RNGTT: variants seen among roughly 807,000 people sequenced by gnomAD.
RNGTT encodes RNA guanylyltransferase and 5'-phosphatase.
Under a neutral mutation model 79.3 loss-of-function variants are expected in RNGTT, and 33 were observed. The ratio of observed to expected loss-of-function variants is 0.42; its 90% confidence interval spans 0.32 to 0.56. The LOEUF (loss-of-function observed/expected upper bound fraction) is 0.56, where lower values mean the gene tolerates loss of function less well. RNGTT is among the 20% of genes least tolerant of loss of function. RNGTT has a pLI of 0.17. For synonymous variants in RNGTT, 222 were observed against 235.9 expected (o/e 0.94, Z 0.54); for missense variants, 497 against 739.1 (o/e 0.67, Z 3.80).
chr6:88,887,560 T>C (rs1329247887), intron 8 of RNGTT, among the ~76,000 whole-genome samples: 1 of 152,216 alleles, frequency 6.6e-6, no homozygotes. Context: ...CCTTTTGTTT[T>C]TGGTGGAGCC....
chr6:88,865,639 C>T (rs972265067), intron 8 of RNGTT, among the ~76,000 whole-genome samples: 3 of 152,036 alleles, frequency 2.0e-5, no homozygotes, highest in African/African-American at 7.2e-5. Flanking sequence ...TAAAATCAGA[C>T]GCTGCACTGA....
chr6:88,771,330 TATATATATATATATATATATAC>T (rs1394967881), intron 12 of RNGTT, among the ~76,000 whole-genome samples: 1 of 97,586 alleles, frequency 1.0e-5, no homozygotes, highest in Non-Finnish European at 2.1e-5. Flanking sequence ...TATATATATA[TATATATATATATATATATATAC>T]ACACACACAC....
intron 14 of RNGTT, among the ~76,000 whole-genome samples, chr6:88,624,326 C>A (rs1772546433): frequency 6.6e-6 from 1 of 151,786 alleles, no homozygotes; most frequent in Non-Finnish European, 1.5e-5. Flanking sequence ...GATCTCAAAA[C>A]TTAGTATAAA....
chr6:88,635,674 A>T (rs539925909), intron 14 of RNGTT, among the ~76,000 whole-genome samples: 2 of 152,218 alleles, frequency 1.3e-5, no homozygotes, highest in African/African-American at 4.8e-5. Context: ...GGCATCTGAA[A>T]ATGCTCATAG....
intron 11 of RNGTT, among the ~76,000 whole-genome samples, chr6:88,805,276 A>G (rs1779918872): frequency 6.6e-6 from 1 of 152,260 alleles, no homozygotes; most frequent in Middle Eastern, 3.4e-3. Flanking sequence ...ACAACAACTG[A>G]CCAATTCTTA....
At chr6:88,848,967 G>T (rs1781578211) in intron 10 of RNGTT, among the ~76,000 whole-genome samples, 2 of 151,862 alleles carry the variant, frequency 1.3e-5, no homozygotes, top group Non-Finnish European at 2.9e-5. Context: ...TGCTATCTAA[G>T]AGACAGTACT....
intron 8 of RNGTT, 148 bp from the exon 9 acceptor site, chr6:88,853,912 C>A: frequency 7.5e-6 from 3 of 401,298 alleles, no homozygotes; most frequent in Non-Finnish European, 8.9e-6. Context: ...TAAAGTATCA[C>A]AAATAATAAT....
chr6:88,641,565 T>C (rs1372502646), intron 14 of RNGTT, among the ~76,000 whole-genome samples: 2 of 152,034 alleles, frequency 1.3e-5, no homozygotes, highest in South Asian at 2.1e-4. Flanking sequence ...ACAGACAAAA[T>C]AGAAAGCAGA....
At chr6:88,740,850 AC>A (rs1236403041) in intron 13 of RNGTT, among the ~76,000 whole-genome samples, 1 of 152,136 alleles carries the variant, frequency 6.6e-6, no homozygotes, top group African/African-American at 2.4e-5. Flanking sequence ...TATGTAACAA[AC>A]CTGCACGTTC....
intron 6 of RNGTT, among the ~76,000 whole-genome samples, chr6:88,903,573 A>G (rs1003022497): frequency 6.6e-6 from 1 of 152,244 alleles, no homozygotes; most frequent in Non-Finnish European, 1.5e-5. Flanking sequence ...TACACTTTTC[A>G]GTGTCCTTAT....
chr6:88,798,239 C>A (rs1041069174), intron 12 of RNGTT, among the ~76,000 whole-genome samples: 1 of 152,002 alleles, frequency 6.6e-6, no homozygotes, highest in Non-Finnish European at 1.5e-5. Context: ...CTGAGGCAGG[C>A]GGATTGCTTG....
intron 13 of RNGTT, among the ~76,000 whole-genome samples, chr6:88,767,930 A>G (rs1778519795): frequency 6.6e-6 from 1 of 152,210 alleles, no homozygotes; most frequent in African/African-American, 2.4e-5. Flanking sequence ...TCCAATGTTT[A>G]GATAAGAGAA....
In RNGTT at chr6:88,958,436, C is replaced by G. The variant is rs149402755; in HGVS notation, c.64+4910G>C. Among the ~76,000 whole-genome samples, 342 of 152,214 alleles carry G rather than the reference C, an allele frequency of 2.2e-3. 1 individual carries two copies. Among genetic ancestry groups the G allele is most frequent in the African/African-American group, 7.9e-3 (328 of 41,516 alleles). On this transcript the variant is annotated intron_variant, in intron 1 of 15. Coordinates refer to ENST00000369485, the MANE Select transcript of RNGTT (RefSeq NM_003800.5). ...ATAATCAGCAGAGTAAACAGACAAC[C>G]CACAGAGTGGGAGAAAATCTTCGCA...
At chr6:88,923,790 T>C (rs1437761335) in intron 4 of RNGTT, among the ~76,000 whole-genome samples, 1 of 152,152 alleles carries the variant, frequency 6.6e-6, no homozygotes, top group East Asian at 1.9e-4. Context: ...GCAAGAGCTA[T>C]TATAGTGCTC....
intron 2 of RNGTT, among the ~76,000 whole-genome samples, chr6:88,940,073 T>C (rs942092532): frequency 6.7e-6 from 1 of 149,738 alleles, no homozygotes; most frequent in African/African-American, 2.5e-5. Flanking sequence ...TTTCTTTTTT[T>C]TTTTTCTTTT....
At chr6:88,764,367 C>T (rs1423359549) in intron 13 of RNGTT, among the ~76,000 whole-genome samples, 1 of 152,186 alleles carries the variant, frequency 6.6e-6, no homozygotes, top group Non-Finnish European at 1.5e-5. Context: ...AATGTAGATG[C>T]TAGGTCTGAG....
rs1771994476 is a variant in RNGTT at position 88,610,820 on chromosome 6, G to C, written c.*1899C>G. On this transcript the variant is annotated 3_prime_UTR_variant, in exon 16 of 16. Coordinates refer to ENST00000369485, the MANE Select transcript of RNGTT (RefSeq NM_003800.5). ...ATTTTAACTCCATTAAAGATCATTG[G>C]CAAAAGCTTGCTTTCGTATCTGCAA... 1 of 152,166 alleles carries C rather than the reference G, an allele frequency of 6.6e-6. No individual in the cohort carries two copies. The highest frequency in any genetic ancestry group is 6.5e-5 in the Admixed American group (1 of 15,280). The allele number at this position is 152,166 out of a possible 1,614,324, so 9.4% of individuals were successfully genotyped here. A position where few individuals can be genotyped will look rare whatever the true frequency, so the allele number is the denominator to read the frequency against.
intron 14 of RNGTT, among the ~76,000 whole-genome samples, chr6:88,628,730 A>T (rs1164753358): frequency 6.6e-6 from 1 of 152,188 alleles, no homozygotes; most frequent in Non-Finnish European, 1.5e-5. Context: ...ATATTTAAAT[A>T]GTTTCTTCAA....
At chr6:88,784,562 T>C (rs1252026224) in intron 12 of RNGTT, among the ~76,000 whole-genome samples, 1 of 151,862 alleles carries the variant, frequency 6.6e-6, no homozygotes, top group Non-Finnish European at 1.5e-5. Flanking sequence ...AGAGACTATT[T>C]CAGTTTGTAG....
Sources: gnomAD v4.1 joint callset for allele counts (sites outside exome capture counted in the v4.1 genomes callset) on GRCh38, gnomAD v4.1.1 for gene constraint, MANE v1.5 for transcripts, NCBI Gene and HGNC (gene_info 2026-07-23, HGNC 2026-07-21) for gene names.